Variants in MCMBP observed in about 807,000 individuals in gnomAD.
MCMBP encodes the protein mini-chromosome maintenance complex-binding protein.
Under a neutral mutation model 81.3 loss-of-function variants are expected in MCMBP, and 31 were observed. The ratio of observed to expected loss-of-function variants is 0.38; its 90% confidence interval spans 0.29 to 0.51. MCMBP has a LOEUF of 0.51. Ranked by LOEUF, MCMBP falls within the 20% of genes least tolerant of loss-of-function variation. The pLI, the probability that MCMBP is intolerant of heterozygous loss-of-function variation, is 0.87. For synonymous variants in MCMBP, 267 were observed against 275.9 expected, an observed-to-expected ratio of 0.97 and a Z score of 0.32; for missense variants, 645 against 772.1, an observed-to-expected ratio of 0.84 and a Z score of 1.95.
chr10:119,861,463 GC>G (rs1422461911), intron 1 of MCMBP, among the ~76,000 whole-genome samples: 1 of 152,072 alleles, frequency 6.6e-6, no homozygotes, highest in Non-Finnish European at 1.5e-5. Flanking sequence ...ATTTTAAAAA[GC>G]CCTCTATGTG....
At chr10:119,863,899 C>G (rs1467571559) in intron 1 of MCMBP, among the ~76,000 whole-genome samples, 1 of 152,060 alleles carries the variant, frequency 6.6e-6, no homozygotes, top group East Asian at 1.9e-4. Flanking sequence ...TAATGACCCC[C>G]TCCCACCCAA....
chr10:119,837,253 C>T (rs950148419), intron 12 of MCMBP, among the ~76,000 whole-genome samples: 3 of 152,076 alleles, frequency 2.0e-5, no homozygotes, highest in African/African-American at 4.8e-5. Context: ...AAATCTAATA[C>T]CTAGCATCTG....
rs1851949532 is a variant in MCMBP, at chr10:119,830,052, T to C, written c.*1422A>G. On this transcript the variant is annotated 3_prime_UTR_variant, in exon 16 of 16. Coordinates refer to ENST00000369077, the MANE Select transcript of MCMBP (RefSeq NM_001256378.2). ...TTATAAAAATGAAAACCAGTTCAAC[T>C]CTAATATAAACATTATTTACATTTG... 6.6e-6 allele frequency: 1 copy of C among 152,656 alleles called. No individual in the cohort carries two copies. Among genetic ancestry groups the C allele is most frequent in the South Asian group, 2.1e-4 (1 of 4,832 alleles). The allele number at this position is 152,656 out of a possible 1,614,324, so 9.5% of individuals were successfully genotyped here.
intron 13 of MCMBP, 99 bp downstream of exon 13, chr10:119,836,778 TTTTTTTTTTTTTTTTTACA>T: frequency 6.6e-6 from 2 of 301,486 alleles, no homozygotes; most frequent in South Asian, 1.4e-4. Flanking sequence ...TTTTTTTTTT[TTTTTTTTTTTTTTTTTACA>T]ACAAATGTAA....
chr10:119,835,467 A>G (rs1232926657), intron 14 of MCMBP, 73 bp downstream of exon 14: 1 of 1,293,306 alleles, frequency 7.7e-7, no homozygotes. Context: ...CTTATCAGTA[A>G]TTATGGTAAA....
At chr10:119,863,236 GGTCACAAAGATCT>G (rs1170378873) in intron 1 of MCMBP, among the ~76,000 whole-genome samples, 3 of 152,012 alleles carry the variant, frequency 2.0e-5, no homozygotes, top group Non-Finnish European at 2.9e-5. Context: ...CCAAACCCCA[GGTCACAAAGATCT>G]GTTTTCTTCT....
At chr10:119,848,442 T>C (rs928742121) in intron 7 of MCMBP, among the ~76,000 whole-genome samples, 7 of 151,952 alleles carry the variant, frequency 4.6e-5, no homozygotes, top group African/African-American at 1.7e-4. Flanking sequence ...TGAAACCCCA[T>C]CTCTACAAAA....
chr10:119,852,487 C>T (rs1229938658), intron 6 of MCMBP, among the ~76,000 whole-genome samples: 5 of 152,102 alleles, frequency 3.3e-5, no homozygotes, highest in Non-Finnish European at 7.4e-5. Context: ...CCAGCCTGGG[C>T]AACATAGTGA....
Position 119,831,467 on chromosome 10 carries a change from T to TAC in MCMBP, c.*5_*6dup. The TAC allele has an allele frequency of 6.2e-7, 1 of 1,613,812 alleles. No homozygotes were observed. Among genetic ancestry groups the TAC allele is most frequent in the Non-Finnish European group, 8.5e-7 (1 of 1,179,820 alleles). ...TTTGCCCATTACTCTTCATAGGTAT[T>TAC]ACATCTTTAAAGTTCATTTCCATTC... is the stretch of plus-strand genomic sequence containing the variant. On this transcript the variant is annotated 3_prime_UTR_variant, in exon 16 of 16. Transcript: ENST00000369077.
intron 8 of MCMBP, among the ~76,000 whole-genome samples, chr10:119,844,163 T>C (rs551785273): frequency 7.9e-5 from 12 of 152,304 alleles, no homozygotes; most frequent in Non-Finnish European, 1.8e-4. Context: ...ATTCATCTCT[T>C]ATCTTGCTAA....
chr10:119,839,639 A>G (rs182976339), intron 11 of MCMBP, among the ~76,000 whole-genome samples: 87 of 152,316 alleles, frequency 5.7e-4, no homozygotes, highest in African/African-American at 2.0e-3. Context: ...TACAGGGTCA[A>G]TCAGGTCAAA....
intron 9 of MCMBP, 26 bp downstream of exon 9, chr10:119,843,228 G>A: frequency 6.2e-7 from 1 of 1,612,460 alleles, no homozygotes; most frequent in South Asian, 1.1e-5. Context: ...GTCGATAGTT[G>A]ACTAGGCTGT....
At chr10:119,855,227 T>G (rs1211727071) in intron 5 of MCMBP, among the ~76,000 whole-genome samples, 3 of 152,084 alleles carry the variant, frequency 2.0e-5, no homozygotes, top group Non-Finnish European at 2.9e-5. Flanking sequence ...AATTAGAAAA[T>G]ATTTTGAATT....
chr10:119,852,291 C>G (rs1464299191), intron 6 of MCMBP, among the ~76,000 whole-genome samples: 1 of 151,216 alleles, frequency 6.6e-6, no homozygotes, highest in Non-Finnish European at 1.5e-5. Flanking sequence ...GTGGATAGCA[C>G]ATACTCGAAT....
In MCMBP at chr10:119,850,312, C is replaced by G. The variant is rs544254982; in HGVS notation, c.575-736G>C. Among the ~76,000 whole-genome samples the G allele has an allele frequency of 2.0e-5, 3 of 152,214 alleles. No individual in the cohort carries two copies. In the East Asian group the frequency reaches 5.8e-4, roughly 29 times the overall value. On this transcript the variant is annotated intron_variant, in intron 6 of 15. Coordinates refer to ENST00000369077, the MANE Select transcript of MCMBP (RefSeq NM_001256378.2). ...GAGATGGAGAAGAGACCAGTGGTTG[C>G]TAGGGTCTAGAGACTTCTGGGGACG...
intron 1 of MCMBP, among the ~76,000 whole-genome samples, chr10:119,869,691 G>A (rs1476839606): frequency 6.6e-6 from 1 of 152,022 alleles, no homozygotes; most frequent in African/African-American, 2.4e-5. Context: ...AGATCACACT[G>A]TTGCACTCCA....
intron 1 of MCMBP, among the ~76,000 whole-genome samples, chr10:119,861,003 G>C (rs1186399540): frequency 6.6e-6 from 1 of 152,168 alleles, no homozygotes; most frequent in Admixed American, 6.5e-5. Flanking sequence ...GCACTTATGG[G>C]AACTGGCCAA....
intron 4 of MCMBP, among the ~76,000 whole-genome samples, chr10:119,858,612 C>T (rs1853135622): frequency 6.6e-6 from 1 of 152,002 alleles, no homozygotes; most frequent in Non-Finnish European, 1.5e-5. Context: ...TTTAATTTTG[C>T]AACCTAGGGT....
chr10:119,844,607 T>C (rs549896473), intron 8 of MCMBP, among the ~76,000 whole-genome samples: 45 of 152,284 alleles, frequency 3.0e-4, no homozygotes, highest in Middle Eastern at 6.8e-3. Context: ...TCTGACTGGA[T>C]TGAAGGATGA....
Sources: allele counts gnomAD v4.1 joint callset (sites outside exome capture counted in the v4.1 genomes callset), GRCh38; gene constraint gnomAD v4.1.1; transcripts MANE v1.5; gene names NCBI Gene and HGNC (gene_info 2026-07-23, HGNC 2026-07-21).